The following RNFT2 variants were observed in gnomAD, a reference collection of about 807,000 sequenced individuals.
RNFT2 encodes E3 ubiquitin-protein ligase RNFT2.
A neutral mutation model predicts 53.0 loss-of-function variants in RNFT2; 36 were observed. The observed-to-expected ratio is 0.68, with a 90% confidence interval of 0.52 to 0.90. The LOEUF is 0.90. Ranked by LOEUF, RNFT2 falls within the 40% of genes least tolerant of loss-of-function variation. RNFT2 has a pLI of 0.00. For missense variants in RNFT2, 514 were observed against 585.6 expected (o/e 0.88, Z 1.26); for synonymous variants, 260 against 253.2 (o/e 1.03, Z -0.26).
rs1229974465 is a variant in RNFT2 at position 116,809,263 on chromosome 12, T to C, written c.883-24529T>C. Among the ~76,000 whole-genome samples, 3 of 152,170 alleles carry C rather than the reference T, an allele frequency of 2.0e-5. No individual in the cohort carries two copies. The East Asian group carries it at 5.8e-4, about 29-fold the overall frequency. On this transcript the variant is annotated intron_variant, in intron 7 of 10. Transcript: ENST00000257575. ...AGTCGTGGCTGCATCCCAGTCCTCCTCCATCAGAGGTTGCGTTTGAACTCG... is the reference window on the plus strand; with the variant it reads ...AGTCGTGGCTGCATCCCAGTCCTCCCCCATCAGAGGTTGCGTTTGAACTCG...
At chr12:116,777,268 A>G (rs1320144156) in intron 6 of RNFT2, among the ~76,000 whole-genome samples, 3 of 152,156 alleles carry the variant, frequency 2.0e-5, no homozygotes, top group African/African-American at 7.2e-5. Flanking sequence ...TGGGAAGACA[A>G]CATGAGTTAA....
intron 4 of RNFT2, among the ~76,000 whole-genome samples, chr12:116,750,908 A>ATATATATTTTTTTTTTTT (rs869162316): frequency 4.3e-5 from 3 of 70,026 alleles, no homozygotes; most frequent in African/African-American, 1.6e-4. Flanking sequence ...ATATATATAT[A>ATATATATTTTTTTTTTTT]TTTTTTTTTG....
At chr12:116,766,983 T>C in intron 6 of RNFT2, 69 bp downstream of exon 6, 1 of 1,074,762 alleles carries the variant, frequency 9.3e-7, no homozygotes, top group East Asian at 2.6e-5. Context: ...GCACGTACCC[T>C]TTCACTTGAG....
chr12:116,757,189 T>C (rs1457274784), intron 5 of RNFT2, among the ~76,000 whole-genome samples: 1 of 152,182 alleles, frequency 6.6e-6, no homozygotes, highest in Non-Finnish European at 1.5e-5. Flanking sequence ...TTTCGTTTCT[T>C]AGTGAGGTCA....
chr12:116,806,147 G>A (rs2016622), intron 7 of RNFT2, among the ~76,000 whole-genome samples: 9,280 of 151,992 alleles, frequency 0.061, 528 homozygotes, highest in South Asian at 0.15. Flanking sequence ...TTGGGAGGCC[G>A]AGGTGGGCAG....
intron 10 of RNFT2, among the ~76,000 whole-genome samples, chr12:116,843,755 C>G (rs1475178928): frequency 1.3e-5 from 2 of 152,132 alleles, no homozygotes; most frequent in Non-Finnish European, 2.9e-5. Flanking sequence ...AGATTCTGTC[C>G]TCCCATTTCT....
At chr12:116,778,659 C>G (rs1289762741) in intron 6 of RNFT2, among the ~76,000 whole-genome samples, 1 of 152,162 alleles carries the variant, frequency 6.6e-6, no homozygotes, top group African/African-American at 2.4e-5. Context: ...AGACCAGCCT[C>G]GCCAACATGG....
chr12:116,743,213 T>C (rs1291816587), intron 3 of RNFT2, among the ~76,000 whole-genome samples: 3 of 10,678 alleles, frequency 2.8e-4, no homozygotes, highest in Non-Finnish European at 5.2e-4. Context: ...AGGTAGAATC[T>C]AAAAAAAAAA....
chr12:116,809,043 C>T (rs1875230093), intron 7 of RNFT2, among the ~76,000 whole-genome samples: 2 of 152,214 alleles, frequency 1.3e-5, no homozygotes, highest in African/African-American at 4.8e-5. Context: ...ATGCACAGGG[C>T]CGGAGCCATG....
At chr12:116,743,643 C>T (rs1022795284) in intron 3 of RNFT2, among the ~76,000 whole-genome samples, 15 of 152,122 alleles carry the variant, frequency 9.9e-5, no homozygotes, top group African/African-American at 3.6e-4. Flanking sequence ...GCCTCCAGCC[C>T]CAGAAGCCCT....
intron 7 of RNFT2, among the ~76,000 whole-genome samples, chr12:116,784,367 T>G (rs1873841389): frequency 2.6e-5 from 4 of 152,200 alleles, no homozygotes; most frequent in African/African-American, 9.7e-5. Context: ...CCCGGTCATT[T>G]TGTGTACCAG....
chr12:116,743,906 C>T (rs1871768571), intron 3 of RNFT2, among the ~76,000 whole-genome samples: 1 of 152,082 alleles, frequency 6.6e-6, no homozygotes, highest in Non-Finnish European at 1.5e-5. Flanking sequence ...GCTTCTCCAT[C>T]CAAAAATGGC....
intron 10 of RNFT2, among the ~76,000 whole-genome samples, chr12:116,842,744 T>C (rs1039787967): frequency 3.9e-5 from 6 of 152,090 alleles, no homozygotes; most frequent in African/African-American, 1.4e-4. Context: ...CAGCTAATTT[T>C]TGCATTTTTA....
chr12:116,836,867 T>C (rs567128627), intron 10 of RNFT2, among the ~76,000 whole-genome samples: 3 of 151,864 alleles, frequency 2.0e-5, no homozygotes, highest in African/African-American at 7.2e-5. Context: ...GAGGCAGAGG[T>C]TGCAGTGAGC....
chr12:116,830,625 C>T (rs921977541), intron 7 of RNFT2, among the ~76,000 whole-genome samples: 1 of 152,108 alleles, frequency 6.6e-6, no homozygotes, highest in Non-Finnish European at 1.5e-5. Flanking sequence ...TGAATCAGGG[C>T]TGGGCGCGGT....
In RNFT2 at chr12:116,852,054, T is replaced by TTAAG; in HGVS notation, c.*2607_*2608insAAGT. On this transcript the variant is annotated 3_prime_UTR_variant, in exon 11 of 11. Transcript: ENST00000257575. ...TCTGTGATCTCTATGACAGAGCCAC[T>TTAAG]TCTCCACCTCTGAAATGTTCCCTGC... is the stretch of plus-strand genomic sequence containing the variant. 2 of 1,157,228 alleles carry TTAAG rather than the reference T, an allele frequency of 1.7e-6. No individual in the cohort carries two copies. The allele number at this position is 1,157,228 out of a possible 1,614,324, so 71.7% of individuals were successfully genotyped here.
intron 10 of RNFT2, 50 bp from the exon 11 acceptor site, chr12:116,849,264 G>A: frequency 6.9e-7 from 1 of 1,448,124 alleles, no homozygotes; most frequent in Non-Finnish European, 9.3e-7. Context: ...CGAGACCGAG[G>A]CAGACGCTCA....
chr12:116,849,562 T>C lies in RNFT2; in HGVS notation c.*114T>C. On this transcript the variant is annotated 3_prime_UTR_variant, in exon 11 of 11. Transcript: ENST00000257575. ...AGCACTTACATCCTGCCTCTTGCCC[T>C]CCACCACCTCTGACCCCAAAGTCCC... 1 of 1,436,880 alleles carries C rather than the reference T, an allele frequency of 7.0e-7. No individual in the cohort carries two copies. Among genetic ancestry groups the C allele is most frequent in the Non-Finnish European group, 9.2e-7 (1 of 1,092,344 alleles). 89.0% of individuals were successfully genotyped at this position (1,436,880 alleles called of 1,614,324 possible). A position where few individuals can be genotyped will look rare whatever the true frequency, so the allele number is the denominator to read the frequency against.
Position 116,776,048 on chromosome 12 carries a change from A to C in RNFT2, c.729-3147A>C, listed in dbSNP as rs543317939. Among the ~76,000 whole-genome samples the C allele has an allele frequency of 1.4e-3, 206 of 152,220 alleles. 1 individual carries two copies. Among genetic ancestry groups the C allele is most frequent in the African/African-American group, 4.7e-3 (196 of 41,536 alleles). ...ACAGAGCGAGACTCTCAAAAAAAAA[A>C]CAAAAAAACTCGTAATTATTGGTGG... On this transcript the variant is annotated intron_variant, in intron 6 of 10. Transcript: ENST00000257575.
Sources: gnomAD v4.1 joint callset for allele counts (sites outside exome capture counted in the v4.1 genomes callset) on GRCh38, gnomAD v4.1.1 for gene constraint, MANE v1.5 for transcripts, NCBI Gene and HGNC (gene_info 2026-07-23, HGNC 2026-07-21) for gene names.